Variants in PRRX1 observed in about 807,000 individuals in gnomAD.
The protein encoded by PRRX1 is paired mesoderm homeobox protein 1.
Under a neutral mutation model 24.0 loss-of-function variants are expected in PRRX1, and 8 were observed. The observed-to-expected ratio is 0.33, with a 90% CI of 0.20 to 0.60. The LOEUF is 0.60. Ranked by LOEUF, PRRX1 falls within the 20% of genes least tolerant of loss-of-function variation. The pLI is 0.82. For missense variants in PRRX1, 281 were observed against 322.4 expected, an observed-to-expected ratio of 0.87 and a Z score of 0.98; for synonymous variants, 160 against 131.7, an observed-to-expected ratio of 1.22 and a Z score of -1.47.
chr1:170,732,312 G>A (rs17551298), intron 3 of PRRX1, among the ~76,000 whole-genome samples: 34,396 of 152,178 alleles, frequency 0.23, 4,917 homozygotes, highest in Middle Eastern at 0.41. Flanking sequence ...TCCGTGACAT[G>A]GAAAGCAGAT....
intron 2 of PRRX1, 152 bp from the exon 3 acceptor site, chr1:170,726,068 C>T: frequency 3.9e-6 from 3 of 759,854 alleles, no homozygotes; most frequent in Non-Finnish European, 6.5e-6. Context: ...TGGCATGTTT[C>T]TATTGTTCTA....
intron 1 of PRRX1, among the ~76,000 whole-genome samples, chr1:170,708,612 G>T: frequency 6.6e-6 from 1 of 152,132 alleles, no homozygotes; most frequent in East Asian, 1.9e-4. Context: ...CAAGCCTTTT[G>T]AGACTTCCTT....
At chr1:170,733,534 G>T (rs1190720782) in intron 3 of PRRX1, among the ~76,000 whole-genome samples, 2 of 152,054 alleles carry the variant, frequency 1.3e-5, no homozygotes, top group Non-Finnish European at 2.9e-5. Context: ...ATAAGTTTTA[G>T]CTTTCTGTTT....
intron 1 of PRRX1, among the ~76,000 whole-genome samples, chr1:170,682,320 T>C (rs1345820310): frequency 1.1e-5 from 1 of 94,076 alleles, no homozygotes; most frequent in Non-Finnish European, 2.7e-5. Context: ...TCACCCTTGA[T>C]AGTATTATCA....
chr1:170,733,374 A>G lies in PRRX1; in HGVS notation c.600-2674A>G, dbSNP rs192734541. Among the ~76,000 whole-genome samples, 188 of 152,288 alleles carry G rather than the reference A, an allele frequency of 1.2e-3. 2 individuals are homozygous for G. Among genetic ancestry groups the G allele is most frequent in the Admixed American group, 7.3e-3 (112 of 15,280 alleles). On this transcript the variant is annotated intron_variant, in intron 3 of 3. Coordinates refer to ENST00000239461, the MANE Select transcript of PRRX1 (RefSeq NM_022716.4). The stretch of plus-strand genomic sequence containing the variant: ...TGGAATACAGCTTTGATTATCTAAG[A>G]AAGGGCACATTTCTGTTACATAAGA...
chr1:170,717,437 C>T (rs1030574140), intron 1 of PRRX1, among the ~76,000 whole-genome samples: 7 of 152,046 alleles, frequency 4.6e-5, no homozygotes, highest in Non-Finnish European at 1.0e-4. Flanking sequence ...GCTTTTGAAA[C>T]AACATAAAAG....
intron 2 of PRRX1, among the ~76,000 whole-genome samples, chr1:170,721,012 T>A (rs1313398367): frequency 1.3e-5 from 2 of 152,198 alleles, no homozygotes; most frequent in Admixed American, 1.3e-4. Flanking sequence ...ATGAGAAAAC[T>A]GAGACACAGA....
chr1:170,703,272 T>C (rs1216024245), intron 1 of PRRX1, among the ~76,000 whole-genome samples: 1 of 152,222 alleles, frequency 6.6e-6, no homozygotes, highest in Non-Finnish European at 1.5e-5. Context: ...TTTCAGAACT[T>C]GGGCTCTGTA....
chr1:170,678,845 A>G (rs755424345), intron 1 of PRRX1, among the ~76,000 whole-genome samples: 2 of 152,230 alleles, frequency 1.3e-5, no homozygotes, highest in African/African-American at 2.4e-5. Flanking sequence ...CTAATCCTGC[A>G]TATCTTCAAT....
chr1:170,731,715 G>A (rs1655445610), intron 3 of PRRX1, among the ~76,000 whole-genome samples: 1 of 152,144 alleles, frequency 6.6e-6, no homozygotes, highest in South Asian at 2.1e-4. Context: ...ACCTCTGCTA[G>A]TGGTTAGCAT....
intron 1 of PRRX1, among the ~76,000 whole-genome samples, chr1:170,703,357 C>G (rs969850933): frequency 6.6e-6 from 1 of 151,946 alleles, no homozygotes; most frequent in Non-Finnish European, 1.5e-5. Flanking sequence ...GTCTCCTCAT[C>G]TGCAAGACCT....
rs185720911 is a variant in PRRX1 at position 170,700,025 on chromosome 1, C to T, written c.242-19701C>T. Among the ~76,000 whole-genome samples, 119 of 152,174 alleles carry T rather than the reference C, an allele frequency of 7.8e-4. 3 individuals carry two copies. Among genetic ancestry groups the T allele is most frequent in the Middle Eastern group, 3.4e-3 (1 of 294 alleles). On this transcript the variant is annotated intron_variant, in intron 1 of 3. Transcript: ENST00000239461. ...GTGTGAGCCACTGAGCCCAGCCAAG[C>T]GGATGGATTTCAAGGGTTTTCATAT...
Position 170,735,959 on chromosome 1 carries a change from GCTGAGAGTACATCCAT to G in PRRX1, c.600-85_600-70del, listed in dbSNP as rs1277408863. 3 of 1,556,782 alleles carry G rather than the reference GCTGAGAGTACATCCAT, an allele frequency of 1.9e-6. No individual in the cohort carries two copies. The African/African-American group carries it at 4.1e-5, about 21-fold the overall frequency. ...AGCCATTGCCCCTGCCTGCCCCCAT[GCTGAGAGTACATCCAT>G]CTGGGGCACAGACTTGCAGCTTTGT... is the stretch of plus-strand genomic sequence containing the variant. On this transcript the variant is annotated intron_variant, in intron 3 of 3. Coordinates refer to ENST00000239461, the MANE Select transcript of PRRX1 (RefSeq NM_022716.4).
rs563325389 is a variant in PRRX1, at chr1:170,703,966, G to A, written c.242-15760G>A. On this transcript the variant is annotated intron_variant, in intron 1 of 3. Transcript: ENST00000239461. ...GAGTTAAGGAAGGAGAATAATTAAT[G>A]TGGCCTAGAGTACTGGGAAAAGCAA... 3.3e-5 allele frequency among the ~76,000 whole-genome samples: 5 copies of A among 152,322 alleles called. No homozygotes were observed. In the East Asian group the frequency reaches 7.7e-4, roughly 23 times the overall value.
chr1:170,684,547 G>A (rs974380512), intron 1 of PRRX1, among the ~76,000 whole-genome samples: 1 of 152,220 alleles, frequency 6.6e-6, no homozygotes, highest in Non-Finnish European at 1.5e-5. Context: ...GAGGTTAGGA[G>A]TTCAAGACTA....
chr1:170,664,027 C>T, upstream of PRRX1: 2 of 583,504 alleles, frequency 3.4e-6, no homozygotes, highest in Middle Eastern at 4.6e-4. Context: ...AGAAGGGGGT[C>T]CCCCACCCTC....
rs1558065998 is a variant in PRRX1 at position 170,736,234 on chromosome 1, G to T, written c.*48G>T. On this transcript the variant is annotated 3_prime_UTR_variant, in exon 4 of 4. Coordinates refer to ENST00000239461, the MANE Select transcript of PRRX1 (RefSeq NM_022716.4). ...CCTAAGAAGAAATCAAAAACCATAA[G>T]ACACCTATCCTGCTCTGTTATTTCT... The T allele has an allele frequency of 6.2e-7, 1 of 1,606,406 alleles. No individual in the cohort carries two copies. The highest frequency in any genetic ancestry group is 1.7e-5 in the Admixed American group (1 of 59,828).
chr1:170,687,476 A>G (rs1653783906), intron 1 of PRRX1, among the ~76,000 whole-genome samples: 1 of 152,210 alleles, frequency 6.6e-6, no homozygotes, highest in South Asian at 2.1e-4. Flanking sequence ...GAGCAGCAGG[A>G]CACAAGGGCT....
At chr1:170,667,792 G>A (rs1424167825) in intron 1 of PRRX1, 1 of 152,226 alleles carries the variant, frequency 6.6e-6, no homozygotes, top group Non-Finnish European at 1.5e-5. Flanking sequence ...GGCTCTTTTA[G>A]CTATATAGAA....
Sources: allele counts gnomAD v4.1 joint callset (sites outside exome capture counted in the v4.1 genomes callset), GRCh38; gene constraint gnomAD v4.1.1; transcripts MANE v1.5; gene names NCBI Gene and HGNC (gene_info 2026-07-23, HGNC 2026-07-21).